The following LMO7 variants were observed in gnomAD, a reference collection of about 807,000 sequenced individuals.
LMO7 encodes the protein LIM domain only protein 7.
A neutral mutation model predicts 206.5 loss-of-function variants in LMO7; 120 were observed. The observed-to-expected ratio is 0.58, with a 90% confidence interval of 0.50 to 0.68. The LOEUF is 0.68. LMO7 is among the 30% of genes least tolerant of loss of function. The probability of loss-of-function intolerance (pLI) is 0.00; values close to 1 mark genes in which losing one functional copy is unlikely to be tolerated. For synonymous variants in LMO7, 706 were observed against 681.5 expected (o/e 1.04, Z -0.56); for missense variants, 1,959 against 1,957.9 (o/e 1.00, Z -0.01).
intron 1 of LMO7, among the ~76,000 whole-genome samples, chr13:75,668,624 A>G (rs1409251051): frequency 2.6e-5 from 4 of 152,106 alleles, no homozygotes; most frequent in South Asian, 4.1e-4. Flanking sequence ...CTTCCAGTAA[A>G]TGCCTGCTTT....
At chr13:75,780,471 C>CA (rs1203876427) in intron 4 of LMO7, among the ~76,000 whole-genome samples, 1 of 152,164 alleles carries the variant, frequency 6.6e-6, no homozygotes, top group Non-Finnish European at 1.5e-5. Context: ...TGCAGGCAGT[C>CA]AGACTTTATG....
chr13:75,710,119 C>T (rs931476427), intron 1 of LMO7, among the ~76,000 whole-genome samples: 1 of 152,048 alleles, frequency 6.6e-6, no homozygotes, highest in Non-Finnish European at 1.5e-5. Flanking sequence ...AGATATGCGG[C>T]ATTATTTCTG....
chr13:75,725,778 C>A (rs1408422644), intron 2 of LMO7, among the ~76,000 whole-genome samples: 1 of 152,000 alleles, frequency 6.6e-6, no homozygotes, highest in Non-Finnish European at 1.5e-5. Context: ...GTCTAATGAT[C>A]TTTGTGTGTA....
Position 75,833,170 on chromosome 13 carries a change from A to T in LMO7, c.3064+5A>T. 1 of 1,482,482 alleles carries T rather than the reference A, an allele frequency of 6.7e-7. No individual in the cohort carries two copies. The highest frequency in any genetic ancestry group is 9.4e-7 in the Non-Finnish European group (1 of 1,060,228). 91.8% of individuals were successfully genotyped at this position (1,482,482 alleles called of 1,614,324 possible). A position where few individuals can be genotyped will look rare whatever the true frequency, so the allele number is the denominator to read the frequency against. The stretch of plus-strand genomic sequence containing the variant: ...TCGTAGCATCAGTTGAAGCAGGTAA[A>T]TTATGTGTTTAGCTCTACTGAATTT... On this transcript the variant is annotated splice_donor_5th_base_variant and intron_variant, in intron 16 of 30. Transcript: ENST00000377534.
Position 75,853,357 on chromosome 13 carries a change from G to A in LMO7, c.4630G>A (p.Ala1544Thr), listed in dbSNP as rs769119852. 1 of 1,611,472 alleles carries A rather than the reference G, an allele frequency of 6.2e-7. No homozygotes were observed. Among genetic ancestry groups the A allele is most frequent in the South Asian group, 1.1e-5 (1 of 90,668 alleles). The stretch of plus-strand genomic sequence containing the variant: ...CACCCCGAGAAGCCATTCCCCTTCA[G>A]CTTCACAGTCAGGCTCTCAGCTGCG... ...SPTPRSHSPS[A>T]SQSGSQLRNR... Residue 1544 changes from alanine (A) to threonine (T), a missense_variant, in exon 28 of 31, where the codon GCT becomes ACT. Coordinates refer to ENST00000377534, the MANE Select transcript of LMO7 (RefSeq NM_001306080.2).
chr13:75,626,577 T>TATATATATATATATATA (rs71127564), intron 2 of LMO7, among the ~76,000 whole-genome samples: 984 of 74,102 alleles, frequency 0.013, 71 homozygotes, highest in Non-Finnish European at 0.017. Context: ...AACATATATA[T>TATATATATATATATATA]TATATATATA....
Position 75,706,329 on chromosome 13 carries a change from T to A in LMO7, c.70-6853T>A, listed in dbSNP as rs80204806. Among the ~76,000 whole-genome samples, 1,424 of 152,296 alleles carry A rather than the reference T, an allele frequency of 9.4e-3. 22 individuals are homozygous for A. Among genetic ancestry groups the A allele is most frequent in the East Asian group, 0.056 (288 of 5,174 alleles). On this transcript the variant is annotated intron_variant, in intron 1 of 30. Coordinates refer to ENST00000377534, the MANE Select transcript of LMO7 (RefSeq NM_001306080.2). ...GTCCTGCTATAAAATTGTGCTTTCT[T>A]TTTTTGGTTTTAAACTCATAAAAAA...
At chr13:75,755,897 G>T (rs781466359) in intron 3 of LMO7, among the ~76,000 whole-genome samples, 3 of 152,128 alleles carry the variant, frequency 2.0e-5, no homozygotes, top group Non-Finnish European at 2.9e-5. Flanking sequence ...TCTTCTTGTG[G>T]ATTATAGTAA....
chr13:75,703,229 T>C (rs2042401742), intron 1 of LMO7, among the ~76,000 whole-genome samples: 1 of 152,224 alleles, frequency 6.6e-6, no homozygotes, highest in African/African-American at 2.4e-5. Context: ...TATAAATTAG[T>C]AAATAGCAAC....
At chr13:75,741,125 A>T (rs2139171953) in intron 3 of LMO7, among the ~76,000 whole-genome samples, 1 of 152,334 alleles carries the variant, frequency 6.6e-6, no homozygotes, top group Middle Eastern at 3.4e-3. Context: ...GTGGTTCTTT[A>T]TTAAAACTAC....
At chr13:75,744,929 T>C (rs2046715036) in intron 3 of LMO7, among the ~76,000 whole-genome samples, 1 of 152,050 alleles carries the variant, frequency 6.6e-6, no homozygotes, top group Non-Finnish European at 1.5e-5. Flanking sequence ...GCAGGAGAAA[T>C]GCTAGAGGTG....
chr13:75,795,184 A>G (rs564816426), intron 4 of LMO7, among the ~76,000 whole-genome samples: 4 of 152,366 alleles, frequency 2.6e-5, no homozygotes, highest in Admixed American at 1.3e-4. Context: ...ATTAATGCAT[A>G]TCAATGAATA....
At chr13:75,633,840 C>CTTTTTTTTTTTTTTT (rs1566256517), upstream of LMO7, among the ~76,000 whole-genome samples, 1 of 111,274 alleles carries the variant, frequency 9.0e-6, no homozygotes, top group African/African-American at 3.1e-5. Context: ...CGTGTCTTTT[C>CTTTTTTTTTTTTTTT]CTTTTTTTTT....
At chr13:75,835,666 A>G (rs1002536364) in intron 18 of LMO7, among the ~76,000 whole-genome samples, 1 of 152,188 alleles carries the variant, frequency 6.6e-6, no homozygotes, top group Non-Finnish European at 1.5e-5. Flanking sequence ...ACATAAAATT[A>G]TAAACTATAA....
Position 75,694,422 on chromosome 13 carries a change from C to G in LMO7, c.70-18760C>G, listed in dbSNP as rs1213107014. On this transcript the variant is annotated intron_variant, in intron 1 of 30. Coordinates refer to ENST00000377534, the MANE Select transcript of LMO7 (RefSeq NM_001306080.2). ...CTCACTCTGCAGGCAGAATGGATCT[C>G]TGGAAGGTTTTGAGCAGTGTTTGTT... Among the ~76,000 whole-genome samples, 3 of 152,172 alleles carry G rather than the reference C, an allele frequency of 2.0e-5. No individual in the cohort carries two copies. In the East Asian group the frequency reaches 5.8e-4, roughly 29 times the overall value.
At chr13:75,691,549 G>C (rs2041476666) in intron 1 of LMO7, among the ~76,000 whole-genome samples, 1 of 152,050 alleles carries the variant, frequency 6.6e-6, no homozygotes, top group South Asian at 2.1e-4. Context: ...TTTTCACTCT[G>C]GCCTCTGGAG....
At chr13:75,712,853 C>A (rs530864460) in intron 1 of LMO7, among the ~76,000 whole-genome samples, 3 of 152,194 alleles carry the variant, frequency 2.0e-5, no homozygotes, top group South Asian at 2.1e-4. Flanking sequence ...GAATAGATCA[C>A]CCATAGGTTT....
At chr13:75,843,993 G>C (rs2139329046) in intron 25 of LMO7, among the ~76,000 whole-genome samples, 1 of 152,118 alleles carries the variant, frequency 6.6e-6, no homozygotes, top group East Asian at 1.9e-4. Flanking sequence ...AATCTTTCTG[G>C]GTAACTGTAA....
At chr13:75,799,763 T>C (rs1434815907) in intron 6 of LMO7, among the ~76,000 whole-genome samples, 4 of 152,208 alleles carry the variant, frequency 2.6e-5, no homozygotes, top group Non-Finnish European at 5.9e-5. Context: ...TAAAAAATTA[T>C]AGTTACGAGA....
Sources: allele counts gnomAD v4.1 joint callset (sites outside exome capture counted in the v4.1 genomes callset), GRCh38; gene constraint gnomAD v4.1.1; transcripts MANE v1.5; gene names NCBI Gene and HGNC (gene_info 2026-07-23, HGNC 2026-07-21).